Variants in SSH2 observed in about 807,000 individuals in gnomAD.
SSH2 encodes the protein protein phosphatase Slingshot homolog 2.
A neutral mutation model predicts 135.2 loss-of-function variants in SSH2; 37 were observed. That is an observed-to-expected ratio of 0.27 (90% CI 0.21 to 0.36). The LOEUF is 0.36. SSH2 is among the 10% of genes least tolerant of loss of function. The probability of loss-of-function intolerance (pLI) is 1.00; values close to 1 mark genes in which losing one functional copy is unlikely to be tolerated. For synonymous variants in SSH2, 628 were observed against 646.2 expected (o/e 0.97, Z 0.43); for missense variants, 1,408 against 1,765.3 (o/e 0.80, Z 3.63).
At chr17:29,721,883 T>C (rs192812918) in intron 3 of SSH2, among the ~76,000 whole-genome samples, 3 of 152,246 alleles carry the variant, frequency 2.0e-5, no homozygotes, top group Admixed American at 2.0e-4. Flanking sequence ...TTAGAAGAAA[T>C]GAGGCTTGCA....
intron 3 of SSH2, among the ~76,000 whole-genome samples, chr17:29,723,822 T>C (rs1170979113): frequency 6.6e-6 from 1 of 152,190 alleles, no homozygotes; most frequent in Non-Finnish European, 1.5e-5. Context: ...TCAGGCCTCA[T>C]GCTAGGGGGA....
intron 3 of SSH2, chr17:29,716,238 A>T (rs956940566): frequency 9.4e-6 from 3 of 317,900 alleles, no homozygotes; most frequent in Admixed American, 4.2e-5. Context: ...CCAAACCTTA[A>T]CTTGATCCTG....
intron 2 of SSH2, among the ~76,000 whole-genome samples, chr17:29,827,296 C>T (rs1223286766): frequency 2.0e-5 from 3 of 152,156 alleles, no homozygotes; most frequent in Admixed American, 6.6e-5. Flanking sequence ...GATTACCAGG[C>T]TTCTTACTAG....
intron 3 of SSH2, among the ~76,000 whole-genome samples, chr17:29,783,346 G>T (rs1023231545): frequency 1.4e-5 from 2 of 145,872 alleles, no homozygotes; most frequent in Non-Finnish European, 3.0e-5. Context: ...ATGTAAAGGA[G>T]AATTTTTTAA....
chr17:29,765,999 G>A (rs1351958435), intron 3 of SSH2, among the ~76,000 whole-genome samples: 1 of 122,256 alleles, frequency 8.2e-6, no homozygotes, highest in Non-Finnish European at 1.6e-5. Context: ...CAGCCTGGAT[G>A]ACAGAGTGAG....
chr17:29,885,348 T>TAAAAAAAAAAAAAAAA (rs72403205), intron 1 of SSH2, among the ~76,000 whole-genome samples: 4 of 127,116 alleles, frequency 3.1e-5, no homozygotes, highest in African/African-American at 6.1e-5. Flanking sequence ...TATTGTATCA[T>TAAAAAAAAAAAAAAAA]AAAAAAAAAA....
chr17:29,838,047 C>G (rs2151375728), intron 2 of SSH2, among the ~76,000 whole-genome samples: 1 of 152,380 alleles, frequency 6.6e-6, no homozygotes, highest in South Asian at 2.1e-4. Flanking sequence ...CCAGGCATCT[C>G]TATACTTTTG....
At chr17:29,858,680 AC>A (rs1272229959) in intron 1 of SSH2, among the ~76,000 whole-genome samples, 1 of 152,152 alleles carries the variant, frequency 6.6e-6, no homozygotes, top group Non-Finnish European at 1.5e-5. Flanking sequence ...GGAGATCGAG[AC>A]CAGCCTGAGC....
intron 3 of SSH2, among the ~76,000 whole-genome samples, chr17:29,786,002 C>T (rs2041955845): frequency 6.6e-6 from 1 of 151,256 alleles, no homozygotes; most frequent in South Asian, 2.1e-4. Context: ...GACCGGGTTT[C>T]ACCGTGTCAG....
intron 1 of SSH2, among the ~76,000 whole-genome samples, chr17:29,872,390 A>G (rs888546726): frequency 2.0e-5 from 3 of 152,230 alleles, no homozygotes; most frequent in Admixed American, 6.5e-5. Flanking sequence ...AAAGAAAGAA[A>G]TCTCCCTCCC....
Position 29,631,947 on chromosome 17 carries a change from G to C in SSH2, c.3247C>G (p.Leu1083Val). 1.9e-6 allele frequency: 3 copies of C among 1,614,178 alleles called. No individual in the cohort carries two copies. The highest frequency in any genetic ancestry group is 2.5e-6 in the Non-Finnish European group (3 of 1,180,034). Residue 1083 changes from leucine to valine, a missense_variant, in exon 16 of 16, where the codon CTG becomes GTG. This residue lies in a region of SSH2 where 1,080 missense variants were observed against 1,144.5 expected (regional missense o/e 0.94). Transcript: ENST00000540801. The part of the protein sequence containing the change: ...MEKSVTVLCT[L>V]DENLNRTLDP... ...AGAGTCCTGTTTAGATTTTCATCCA[G>C]TGTGCAGAGCACAGTGACAGATTTT...
rs1024078716 is a variant in SSH2 at position 29,677,853 on chromosome 17, A to G, written c.480-112T>C. On this transcript the variant is annotated intron_variant, in intron 6 of 15. Transcript: ENST00000540801. ...AAACCCTTAAATTCTAAATTCTGGC[A>G]TAAGTGTTACAATGAAGAAATTTCT... 29 of 808,126 alleles carry G rather than the reference A, an allele frequency of 3.6e-5. No homozygotes were observed. In the African/African-American group the frequency reaches 4.2e-4, roughly 12 times the overall value. 50.1% of individuals were successfully genotyped at this position (808,126 alleles called of 1,614,324 possible).
intron 1 of SSH2, chr17:29,883,166 C>T (rs2066171236): frequency 6.6e-6 from 1 of 151,838 alleles, no homozygotes; most frequent in Admixed American, 6.6e-5. Flanking sequence ...TGCTTAGTGA[C>T]AAGTTGAATT....
intron 1 of SSH2, among the ~76,000 whole-genome samples, chr17:29,927,951 G>A (rs2067096965): frequency 6.6e-6 from 1 of 152,150 alleles, no homozygotes; most frequent in Non-Finnish European, 1.5e-5. Flanking sequence ...AGATTCTAAA[G>A]TAACTCAAGT....
At chr17:29,761,599 C>T (rs1567957144) in intron 3 of SSH2, among the ~76,000 whole-genome samples, 1 of 152,164 alleles carries the variant, frequency 6.6e-6, no homozygotes, top group Non-Finnish European at 1.5e-5. Flanking sequence ...GGCCCCAAGA[C>T]ACTGCTGCCT....
intron 3 of SSH2, among the ~76,000 whole-genome samples, chr17:29,759,671 G>A (rs1265179446): frequency 6.6e-6 from 1 of 152,108 alleles, no homozygotes; most frequent in African/African-American, 2.4e-5. Flanking sequence ...AAATCATATA[G>A]TATTTATACT....
At chr17:29,813,174 G>C (rs2042478765) in intron 2 of SSH2, among the ~76,000 whole-genome samples, 1 of 152,080 alleles carries the variant, frequency 6.6e-6, no homozygotes, top group Non-Finnish European at 1.5e-5. Flanking sequence ...CTTGAGGTCA[G>C]GAGTTCAAGA....
At chr17:29,738,235 T>C (rs1256004393) in intron 3 of SSH2, among the ~76,000 whole-genome samples, 1 of 149,982 alleles carries the variant, frequency 6.7e-6, no homozygotes, top group Admixed American at 6.6e-5. Context: ...GCTTCATCCA[T>C]GTCCCTAAAA....
chr17:29,667,286 G>A lies in SSH2; in HGVS notation c.810-63C>T, dbSNP rs2037318413. On this transcript the variant is annotated intron_variant, in intron 9 of 15. Coordinates refer to ENST00000540801, the MANE Select transcript of SSH2 (RefSeq NM_001282129.2). The stretch of plus-strand genomic sequence containing the variant: ...TTCTTAATAACGATTATTCTTAAAT[G>A]GGAAAGAAAGAAGAATGATCCTGTC... 13 of 1,171,008 alleles carry A rather than the reference G, an allele frequency of 1.1e-5. No homozygotes were observed. In the South Asian group the frequency reaches 1.7e-4, roughly 15 times the overall value. 72.5% of individuals were successfully genotyped at this position (1,171,008 alleles called of 1,614,324 possible).
Sources: gnomAD v4.1 joint callset for allele counts (sites outside exome capture counted in the v4.1 genomes callset) on GRCh38, gnomAD v4.1.1 for gene constraint, gnomAD v4.1.1 regional missense constraint, MANE v1.5 for transcripts, NCBI Gene and HGNC (gene_info 2026-07-23, HGNC 2026-07-21) for gene names.